The following KIF21A variants were observed in gnomAD, a reference collection of about 807,000 sequenced individuals.
KIF21A encodes kinesin-like protein KIF21A.
Under a neutral mutation model 202.9 loss-of-function variants are expected in KIF21A, and 114 were observed. That is an observed-to-expected ratio of 0.56 (90% CI 0.48 to 0.66). The LOEUF (loss-of-function observed/expected upper bound fraction) is 0.66, where lower values mean the gene tolerates loss of function less well. Among genes scored for constraint, KIF21A ranks in the 30% least tolerant of loss-of-function variants. KIF21A has a pLI of 0.00. For missense variants in KIF21A, 1,677 were observed against 1,994.9 expected (o/e 0.84, Z 3.04); for synonymous variants, 667 against 670.8 (o/e 0.99, Z 0.09).
chr12:39,401,439 AAT>A (rs932190201), intron 1 of KIF21A, among the ~76,000 whole-genome samples: 46 of 152,352 alleles, frequency 3.0e-4, no homozygotes, highest in African/African-American at 1.0e-3. Flanking sequence ...TTAAAAAGAC[AAT>A]ATTTGGGGAA....
chr12:39,304,142 T>G (rs1403166566), intron 35 of KIF21A, among the ~76,000 whole-genome samples: 2 of 152,218 alleles, frequency 1.3e-5, no homozygotes, highest in Non-Finnish European at 2.9e-5. Flanking sequence ...TTAACCATTC[T>G]AATTTCAAGT....
intron 1 of KIF21A, among the ~76,000 whole-genome samples, chr12:39,411,166 C>T (rs1355426519): frequency 6.6e-6 from 1 of 152,206 alleles, no homozygotes; most frequent in Admixed American, 6.5e-5. Flanking sequence ...CCTCTTTTAG[C>T]TCTCAACCAC....
chr12:39,297,290 A>G (rs1046387119), intron 37 of KIF21A, among the ~76,000 whole-genome samples: 5 of 152,142 alleles, frequency 3.3e-5, no homozygotes, highest in Admixed American at 2.0e-4. Flanking sequence ...ATGCACACGT[A>G]TGTTTATTGC....
intron 1 of KIF21A, among the ~76,000 whole-genome samples, chr12:39,406,782 C>T (rs895379043): frequency 5.9e-5 from 9 of 152,246 alleles, no homozygotes; most frequent in African/African-American, 1.7e-4. Context: ...ACGTGTATGA[C>T]CACAAACTTA....
intron 12 of KIF21A, 138 bp downstream of exon 12, chr12:39,346,328 A>G (rs1321095151): frequency 4.4e-6 from 2 of 453,502 alleles, no homozygotes; most frequent in Non-Finnish European, 7.2e-6. Context: ...TGTTAGTTTT[A>G]TAAAATCAGC....
chr12:39,416,417 G>A (rs753069386), intron 1 of KIF21A, among the ~76,000 whole-genome samples: 8 of 151,864 alleles, frequency 5.3e-5, no homozygotes, highest in Admixed American at 6.6e-5. Context: ...TCAACATGGC[G>A]AAACCCCGTC....
chr12:39,314,753 G>A (rs1164653013), intron 31 of KIF21A, among the ~76,000 whole-genome samples: 3 of 151,692 alleles, frequency 2.0e-5, no homozygotes, highest in Admixed American at 6.6e-5. Context: ...TCATGTCAAA[G>A]GTTATAGTAT....
chr12:39,397,248 T>A (rs947968137), intron 1 of KIF21A, among the ~76,000 whole-genome samples: 1 of 152,238 alleles, frequency 6.6e-6, no homozygotes, highest in Admixed American at 6.5e-5. Context: ...CATAGCATAA[T>A]GTTTGTGTTC....
At chr12:39,324,621 G>A (rs1349035128) in intron 26 of KIF21A, among the ~76,000 whole-genome samples, 3 of 152,132 alleles carry the variant, frequency 2.0e-5, no homozygotes, top group Non-Finnish European at 2.9e-5. Flanking sequence ...GTAAAAATCC[G>A]TATTTAAGAA....
Position 39,341,530 on chromosome 12 carries a change from T to C in KIF21A, c.1896A>G (p.Glu632=), listed in dbSNP as rs1565865413. ...CTTTTTCATCTGATTCAGAATCTGA[T>C]TCATCAGAACTTTCACCCCCATCAA... ...DDIDGGESSD[E]SDSESDEKAN... The change falls in exon 14 of 38, where the codon GAA becomes GAG. Residue 632 remains glutamate, a synonymous_variant. Transcript: ENST00000361418. The C allele has an allele frequency of 1.2e-6, 2 of 1,613,246 alleles. No homozygotes were observed. The highest frequency in any genetic ancestry group is 1.7e-6 in the Non-Finnish European group (2 of 1,179,570).
At chr12:39,316,865 A>G (rs1354417740) in intron 29 of KIF21A, among the ~76,000 whole-genome samples, 3 of 152,202 alleles carry the variant, frequency 2.0e-5, no homozygotes, top group African/African-American at 7.2e-5. Context: ...TAGCTCATAA[A>G]GTATTTCAGT....
chr12:39,395,750 G>A (rs897411514), intron 1 of KIF21A, among the ~76,000 whole-genome samples: 4 of 150,276 alleles, frequency 2.7e-5, no homozygotes, highest in African/African-American at 4.9e-5. Context: ...GCTGAGGCAG[G>A]ATAATTGCTT....
Position 39,301,674 on chromosome 12 carries a change from A to T in KIF21A, c.4737T>A (p.Val1579=). 1.2e-6 allele frequency: 2 copies of T among 1,613,986 alleles called. No individual in the cohort carries two copies. The highest frequency in any genetic ancestry group is 1.7e-6 in the Non-Finnish European group (2 of 1,179,876). ...AGACCCAATCCTTATGTGCATTTGG[A>T]ACTTGCTAAAAGAAAAAAAGTGAAA... ...DLTQKDLLQQ[V]PNAHKDWVCA... is the part of the protein sequence containing the mutation. The change falls in exon 37 of 38, where the codon GTT becomes GTA. Residue 1579 remains valine, a synonymous_variant. Transcript: ENST00000361418.
Position 39,303,045 on chromosome 12 carries a change from T to A in KIF21A, c.4651A>T (p.Ile1551Phe). Residue 1551 changes from isoleucine to phenylalanine, a missense_variant, in exon 36 of 38, where the codon ATT (isoleucine) becomes TTT (phenylalanine). Ile to Phe is a conservative substitution (Grantham distance 21). Coordinates refer to ENST00000361418, the MANE Select transcript of KIF21A (RefSeq NM_001173464.2). ...CCACTAAATAGGTTATCCCCTTGAA[T>A]GGTTAGTGCTTCTATGCCATCATAA... ...PHYDGIEALTIQGDNLFSGSR... is the reference protein window; with the variant it reads ...PHYDGIEALTFQGDNLFSGSR... 6.2e-7 allele frequency: 1 copy of A among 1,613,964 alleles called. No individual in the cohort carries two copies. Among genetic ancestry groups the A allele is most frequent in the Non-Finnish European group, 8.5e-7 (1 of 1,179,852 alleles).
chr12:39,295,708 T>G lies in KIF21A; in HGVS notation c.4932-1191A>C, dbSNP rs555851535. 4.1e-4 allele frequency among the ~76,000 whole-genome samples: 59 copies of G among 144,682 alleles called. 1 individual carries two copies. In the East Asian group the frequency reaches 9.5e-3, roughly 23 times the overall value. 94.9% of individuals were successfully genotyped at this position (144,682 alleles called of 152,430 possible). On this transcript the variant is annotated intron_variant, in intron 37 of 37. Coordinates refer to ENST00000361418, the MANE Select transcript of KIF21A (RefSeq NM_001173464.2). ...TTGGGATATGTTTTTTTTTTTTTTT[T>G]TTTTTTTTTTTGACAGAATCTCGCT...
chr12:39,398,322 G>A lies in KIF21A; in HGVS notation c.45-28061C>T, dbSNP rs56114183. On this transcript the variant is annotated intron_variant, in intron 1 of 37. Transcript: ENST00000361418. Reference sequence around the variant, plus strand: ...GATATAAACACACAAAAAATAGGCCGGACATGGTGGTTCATGCCTGTAACC... The same window carrying A: ...GATATAAACACACAAAAAATAGGCCAGACATGGTGGTTCATGCCTGTAACC... Among the ~76,000 whole-genome samples, 616 of 152,190 alleles carry A rather than the reference G, an allele frequency of 4.0e-3. 3 individuals are homozygous for A. Among genetic ancestry groups the A allele is most frequent in the African/African-American group, 0.014 (562 of 41,506 alleles).
chr12:39,325,475 G>T (rs1945775372), intron 26 of KIF21A, among the ~76,000 whole-genome samples: 1 of 149,252 alleles, frequency 6.7e-6, no homozygotes, highest in Non-Finnish European at 1.5e-5. Flanking sequence ...GGGACTACAG[G>T]CACCTACCAC....
chr12:39,301,305 C>T (rs531683806), intron 37 of KIF21A, among the ~76,000 whole-genome samples, 175 bp downstream of exon 37: 9 of 152,158 alleles, frequency 5.9e-5, no homozygotes, highest in African/African-American at 2.2e-4. Context: ...CCTGGGGTGC[C>T]TAAATTCAGT....
At chr12:39,402,256 C>T (rs780670530) in intron 1 of KIF21A, among the ~76,000 whole-genome samples, 23 of 152,168 alleles carry the variant, frequency 1.5e-4, no homozygotes, top group Admixed American at 4.6e-4. Context: ...TTCTGAGCCA[C>T]CACCACCACA....
Sources: gnomAD v4.1 joint callset for allele counts (sites outside exome capture counted in the v4.1 genomes callset) on GRCh38, gnomAD v4.1.1 for gene constraint, MANE v1.5 for transcripts, NCBI Gene and HGNC (gene_info 2026-07-23, HGNC 2026-07-21) for gene names.